Variants in ALK observed in about 807,000 individuals in gnomAD.
ALK encodes ALK receptor tyrosine kinase, also known as ALK tyrosine kinase receptor.
In ALK, 74 loss-of-function variants were observed where a neutral mutation model predicts 163.1. The observed-to-expected ratio is 0.45, with a 90% CI of 0.38 to 0.55. ALK has a LOEUF of 0.55. Among genes scored for constraint, ALK ranks in the 20% least tolerant of loss-of-function variants. The pLI is 0.00. For missense variants in ALK, 2,063 were observed against 2,105.3 expected (o/e 0.98, Z 0.39); for synonymous variants, 960 against 843.2 (o/e 1.14, Z -2.40).
intron 5 of ALK, among the ~76,000 whole-genome samples, chr2:29,375,166 A>G (rs7590109): frequency 0.3 from 45,005 of 151,982 alleles, 7,050 homozygotes; most frequent in African/African-American, 0.38. Flanking sequence ...AGTTCTCAAA[A>G]GCTTCAGGCG....
chr2:29,261,579 G>C (rs1665090136), intron 11 of ALK, among the ~76,000 whole-genome samples: 1 of 151,994 alleles, frequency 6.6e-6, no homozygotes, highest in South Asian at 2.1e-4. Context: ...TTCACCTCAG[G>C]GACATCTCCA....
intron 4 of ALK, among the ~76,000 whole-genome samples, chr2:29,454,015 C>T (rs1446625464): frequency 2.0e-5 from 3 of 152,168 alleles, no homozygotes; most frequent in Non-Finnish European, 4.4e-5. Context: ...AAAGAGTTCT[C>T]CAGCTTTTGG....
intron 5 of ALK, among the ~76,000 whole-genome samples, chr2:29,358,438 A>G (rs185206445): frequency 2.0e-5 from 3 of 152,354 alleles, no homozygotes; most frequent in Non-Finnish European, 2.9e-5. Flanking sequence ...TAAGCCTCAC[A>G]CAGAGTGTTA....
chr2:29,646,030 C>A (rs1486950335), intron 3 of ALK, among the ~76,000 whole-genome samples: 2 of 152,108 alleles, frequency 1.3e-5, no homozygotes, highest in African/African-American at 4.8e-5. Context: ...GTATCTTCAG[C>A]CGAGACCACT....
intron 23 of ALK, among the ~76,000 whole-genome samples, chr2:29,215,237 C>T (rs1669570211): frequency 6.6e-6 from 1 of 152,180 alleles, no homozygotes; most frequent in African/African-American, 2.4e-5. Flanking sequence ...ACAGGGAAGT[C>T]ACCCAGCCAG....
At chr2:29,729,630 AG>A (rs1032683126) in intron 1 of ALK, among the ~76,000 whole-genome samples, 12 of 152,170 alleles carry the variant, frequency 7.9e-5, no homozygotes, top group African/African-American at 2.9e-4. Flanking sequence ...CCCACATTGC[AG>A]CCTCCTCCCC....
intron 5 of ALK, among the ~76,000 whole-genome samples, chr2:29,348,440 C>T (rs192511924): frequency 7.2e-5 from 11 of 152,318 alleles, no homozygotes; most frequent in African/African-American, 2.6e-4. Context: ...ACAACTTGGA[C>T]AAACAGGTTG....
At chr2:29,399,989 A>G (rs1669404188) in intron 4 of ALK, among the ~76,000 whole-genome samples, 1 of 152,172 alleles carries the variant, frequency 6.6e-6, no homozygotes, top group South Asian at 2.1e-4. Flanking sequence ...TCCTCATGGC[A>G]TCTTACCAAC....
At chr2:29,528,544 T>A (rs1172590627) in intron 4 of ALK, among the ~76,000 whole-genome samples, 2 of 152,154 alleles carry the variant, frequency 1.3e-5, no homozygotes, top group African/African-American at 2.4e-5. Flanking sequence ...TGCTTGTGTC[T>A]TCCTTACTGG....
At chr2:29,566,720 G>C (rs1674201372) in intron 3 of ALK, among the ~76,000 whole-genome samples, 1 of 152,200 alleles carries the variant, frequency 6.6e-6, no homozygotes, top group Middle Eastern at 3.4e-3. Context: ...TGATTGTAAT[G>C]GCAAAAGATA....
At chr2:29,753,742 A>G (rs2148332503) in intron 1 of ALK, among the ~76,000 whole-genome samples, 1 of 152,304 alleles carries the variant, frequency 6.6e-6, no homozygotes, top group Non-Finnish European at 1.5e-5. Context: ...CCAAAGTTTA[A>G]ACTCGGCTGA....
chr2:29,588,462 A>G (rs1051779890), intron 3 of ALK, among the ~76,000 whole-genome samples: 1 of 152,098 alleles, frequency 6.6e-6, no homozygotes, highest in African/African-American at 2.4e-5. Flanking sequence ...AACTCCTGAC[A>G]TCAAGCGATC....
intron 4 of ALK, among the ~76,000 whole-genome samples, chr2:29,528,391 C>T (rs1442295281): frequency 6.6e-6 from 1 of 152,202 alleles, no homozygotes; most frequent in Non-Finnish European, 1.5e-5. Flanking sequence ...TTCTGAGACA[C>T]ATCAGAATGG....
intron 12 of ALK, among the ~76,000 whole-genome samples, chr2:29,249,789 G>A (rs563849815): frequency 1.3e-5 from 2 of 152,330 alleles, no homozygotes; most frequent in South Asian, 2.1e-4. Context: ...CAGCAGGAAG[G>A]GGAGGTCTGG....
At chr2:29,294,114 T>G (rs1459622662) in intron 9 of ALK, among the ~76,000 whole-genome samples, 3 of 152,230 alleles carry the variant, frequency 2.0e-5, no homozygotes, top group Admixed American at 6.5e-5. Context: ...ACCGCCTACC[T>G]CAGAGGTGGG....
intron 4 of ALK, among the ~76,000 whole-genome samples, chr2:29,468,450 G>A (rs1015275970): frequency 6.6e-6 from 1 of 152,168 alleles, no homozygotes; most frequent in Non-Finnish European, 1.5e-5. Context: ...GAGCCATGGA[G>A]ATACAGATTT....
intron 5 of ALK, among the ~76,000 whole-genome samples, chr2:29,372,302 A>C (rs1668656749): frequency 6.6e-6 from 1 of 152,194 alleles, no homozygotes; most frequent in South Asian, 2.1e-4. Context: ...TCTCAGACCT[A>C]CAGGGTAAGG....
intron 3 of ALK, among the ~76,000 whole-genome samples, chr2:29,640,114 C>A (rs1676659818): frequency 6.6e-6 from 1 of 152,192 alleles, no homozygotes; most frequent in South Asian, 2.1e-4. Flanking sequence ...CTCCAGTTCC[C>A]CCTTCTGTCT....
chr2:29,735,677 C>T (rs766583935), intron 1 of ALK, among the ~76,000 whole-genome samples: 2 of 151,968 alleles, frequency 1.3e-5, no homozygotes, highest in African/African-American at 2.4e-5. Context: ...ACGGCAGTTA[C>T]CCCCATGCTG....
Sources: gnomAD v4.1 joint callset for allele counts (sites outside exome capture counted in the v4.1 genomes callset) on GRCh38, gnomAD v4.1.1 for gene constraint, MANE v1.5 for transcripts, NCBI Gene and HGNC (gene_info 2026-07-23, HGNC 2026-07-21) for gene names.